VPS16: variants seen among roughly 807,000 people sequenced by gnomAD.
VPS16 encodes the protein vacuolar protein sorting-associated protein 16 homolog.
In VPS16, 82 loss-of-function variants were observed where a neutral mutation model predicts 116.0. The observed-to-expected ratio is 0.71, with a 90% CI of 0.59 to 0.85. The LOEUF (loss-of-function observed/expected upper bound fraction) is 0.85, where lower values mean the gene tolerates loss of function less well. Ranked by LOEUF, VPS16 falls within the 40% of genes least tolerant of loss-of-function variation. The probability of loss-of-function intolerance (pLI) is 0.00; values close to 1 mark genes in which losing one functional copy is unlikely to be tolerated. For synonymous variants in VPS16, 406 were observed against 420.7 expected, an observed-to-expected ratio of 0.96 and a Z score of 0.43; for missense variants, 928 against 1,090.6, an observed-to-expected ratio of 0.85 and a Z score of 2.10.
intron 1 of VPS16, among the ~76,000 whole-genome samples, chr20:2,854,264 C>CACACACACACACACACACAA (rs1359113049): frequency 1.9e-4 from 29 of 150,126 alleles, no homozygotes; most frequent in African/African-American, 6.2e-4. Context: ...CACACACACA[C>CACACACACACACACACACAA]AAATTTTTTA....
intron 1 of VPS16, 109 bp from the exon 2 acceptor site, chr20:2,859,610 C>A: frequency 7.7e-7 from 1 of 1,301,272 alleles, no homozygotes; most frequent in Non-Finnish European, 1.1e-6. Flanking sequence ...TGGAGACTTC[C>A]TCTACAGCCT....
rs984292202 is a variant in VPS16 at position 2,864,823 on chromosome 20, A to C, written c.1927-155A>C. Among the ~76,000 whole-genome samples the C allele has an allele frequency of 6.6e-6, 1 of 152,128 alleles. No homozygotes were observed. Among genetic ancestry groups the C allele is most frequent in the Non-Finnish European group, 1.5e-5 (1 of 68,020 alleles). ...GATGGGGGTTAGTGTCAGAGGAGCT[A>C]GCCATCCCTCTAGGACATCAGAGTG... On this transcript the variant is annotated intron_variant, in intron 19 of 23. Transcript: ENST00000380445. The surrounding 1 kb of genome is among the most constrained non-coding windows in gnomAD (Gnocchi z 5.2).
chr20:2,854,708 A>G (rs753742834), intron 1 of VPS16, among the ~76,000 whole-genome samples: 28 of 150,382 alleles, frequency 1.9e-4, no homozygotes, highest in Non-Finnish European at 4.4e-5. Flanking sequence ...AGGCAGGATA[A>G]TTGCTTGAAC....
rs1373570995 is a variant in VPS16, at chr20:2,863,256, A to T, written c.1368-34A>T. The T allele has an allele frequency of 1.9e-6, 3 of 1,611,670 alleles. No individual in the cohort carries two copies. The highest frequency in any genetic ancestry group is 2.5e-6 in the Non-Finnish European group (3 of 1,179,106). On this transcript the variant is annotated intron_variant, in intron 14 of 23. Coordinates refer to ENST00000380445, the MANE Select transcript of VPS16 (RefSeq NM_022575.4). The surrounding 1 kb of genome is among the most constrained non-coding windows in gnomAD (Gnocchi z 4.4). ...CTCTGCTCCCTTTCTCCTCCACCTC[A>T]CTCCTTGTATCCTTTACCCACCGGG...
rs376025545 is a variant in VPS16, at chr20:2,861,038, C to G, written c.699C>G (p.His233Gln). ...LQMAVSFTYR[H>Q]LALFTDTGYI... is the part of the protein sequence containing the mutation. ...TGGCTGTCTCCTTCACCTACCGACA[C>G]CTGGCACTCTTCACAGACACAGGCT... Residue 233 changes from histidine (H) to glutamine (Q), a missense_variant, in exon 7 of 24, where the codon CAC becomes CAG. By Grantham distance (24) the His-to-Gln change is conservative. Coordinates refer to ENST00000380445, the MANE Select transcript of VPS16 (RefSeq NM_022575.4). 6.2e-6 allele frequency: 10 copies of G among 1,614,114 alleles called. No homozygotes were observed. Among genetic ancestry groups the G allele is most frequent in the Non-Finnish European group, 7.6e-6 (9 of 1,180,046 alleles).
chr20:2,859,889 G>C, intron 2 of VPS16, 82 bp downstream of exon 2: 1 of 1,504,264 alleles, frequency 6.6e-7, no homozygotes, highest in Non-Finnish European at 9.1e-7. Context: ...CTGCTGTCAG[G>C]TTGTTCTTGT....
chr20:2,866,172 T>G (rs370858996), intron 22 of VPS16, 40 bp from the exon 23 acceptor site: 1 of 1,575,502 alleles, frequency 6.3e-7, no homozygotes, highest in Non-Finnish European at 8.7e-7. Flanking sequence ...AGGAGGGCTG[T>G]GCATTACCTT....
Position 2,860,480 on chromosome 20 carries a change from G to A in VPS16, c.401G>A (p.Arg134Gln), listed in dbSNP as rs774157198. The change falls in exon 5 of 24, where the codon CGG (arginine) becomes CAG (glutamine). Residue 134 changes from arginine to glutamine, a missense_variant. By Grantham distance (43) the Arg-to-Gln change is conservative. Transcript: ENST00000380445. The surrounding 1 kb of genome is among the most constrained non-coding windows in gnomAD (Gnocchi z 6.1). ...EVLQNRVLDA[R>Q]IFHTEFGSGV... The stretch of plus-strand genomic sequence containing the variant: ...CTCCAGAACCGGGTTCTGGATGCCC[G>A]GATCTTTCACACTGAGTTTGGTTCC... The A allele has an allele frequency of 1.6e-5, 26 of 1,613,858 alleles. No individual in the cohort carries two copies. Among genetic ancestry groups the A allele is most frequent in the African/African-American group, 2.7e-5 (2 of 74,848 alleles).
Position 2,860,445 on chromosome 20 carries a change from T to C in VPS16, c.370-4T>C. On this transcript the variant is annotated splice_polypyrimidine_tract_variant and splice_region_variant and intron_variant, in intron 4 of 23. Transcript: ENST00000380445. The surrounding 1 kb of genome is among the most constrained non-coding windows in gnomAD (Gnocchi z 6.1). The stretch of plus-strand genomic sequence containing the variant: ...TCCCTTAACCCATGGCCCCCTTTCC[T>C]CAGGAAGTGCTCCAGAACCGGGTTC... The C allele has an allele frequency of 1.9e-6, 3 of 1,614,010 alleles. No individual in the cohort carries two copies. Among genetic ancestry groups the C allele is most frequent in the Non-Finnish European group, 2.5e-6 (3 of 1,179,996 alleles).
intron 1 of VPS16, among the ~76,000 whole-genome samples, chr20:2,848,328 C>T (rs573481796): frequency 2.0e-5 from 3 of 152,298 alleles, no homozygotes; most frequent in Admixed American, 6.5e-5. Flanking sequence ...ACTGCAGCCT[C>T]GACCTCTTGG....
Position 2,866,641 on chromosome 20 carries a change from A to C in VPS16, c.*67A>C, listed in dbSNP as rs1043249217. ...AGCACCTGGGCTTGGCAGAAGGGCC[A>C]TAGTTCATCCAGCTCCTCCCCTAGA... On this transcript the variant is annotated 3_prime_UTR_variant, in exon 24 of 24. Coordinates refer to ENST00000380445, the MANE Select transcript of VPS16 (RefSeq NM_022575.4). 3.1e-6 allele frequency: 5 copies of C among 1,592,276 alleles called. No homozygotes were observed. Among genetic ancestry groups the C allele is most frequent in the Non-Finnish European group, 4.3e-6 (5 of 1,169,092 alleles).
chr20:2,862,542 T>C (rs748336777), intron 11 of VPS16, 37 bp from the exon 12 acceptor site: 1 of 1,601,970 alleles, frequency 6.2e-7, no homozygotes, highest in Non-Finnish European at 8.5e-7. Context: ...GAGTGTTCTC[T>C]GTCATGATGC....
At chr20:2,851,169 A>G (rs1377920305) in intron 1 of VPS16, among the ~76,000 whole-genome samples, 1 of 152,090 alleles carries the variant, frequency 6.6e-6, no homozygotes, top group African/African-American at 2.4e-5. Flanking sequence ...GCTGGTCTAT[A>G]ATATCAGACA....
rs747521840 is a variant in VPS16 at position 2,865,327 on chromosome 20, G to A, written c.2174+10G>A. 1.2e-6 allele frequency: 2 copies of A among 1,614,134 alleles called. No individual in the cohort carries two copies. Among genetic ancestry groups the A allele is most frequent in the South Asian group, 1.1e-5 (1 of 91,082 alleles). Reference sequence around the variant, plus strand: ...GCATCCCTGACAAGAGGTAGGTGAGGGCCCAGGCTGCATGTGGGTCCCAGG... The same window carrying A: ...GCATCCCTGACAAGAGGTAGGTGAGAGCCCAGGCTGCATGTGGGTCCCAGG... On this transcript the variant is annotated intron_variant, in intron 21 of 23. Coordinates refer to ENST00000380445, the MANE Select transcript of VPS16 (RefSeq NM_022575.4). This position sits in a 1 kb window ranked among gnomAD's most constrained non-coding sequence, Gnocchi z 5.2.
chr20:2,862,820 GA>G lies in VPS16; in HGVS notation c.1220del (p.Lys407SerfsTer147). On this transcript the variant is annotated frameshift_variant, in exon 13 of 24. Transcript: ENST00000380445. LOFTEE classifies it high-confidence loss of function. ...QKSLLRAASFGKCFLDRFPPD... is the reference protein window; with the variant it reads ...QKSLLRAASFXKCFLDRFPPD... ...GGCTCTTCTCAGGCCGCCTCCTTCG[GA>G]AAGTGTTTCCTGGACAGATTTCCAC... is the stretch of plus-strand genomic sequence containing the variant. 1 of 1,614,054 alleles carries G rather than the reference GA, an allele frequency of 6.2e-7. No individual in the cohort carries two copies. Among genetic ancestry groups the G allele is most frequent in the Non-Finnish European group, 8.5e-7 (1 of 1,180,028 alleles).
Position 2,861,622 on chromosome 20 carries a change from C to T in VPS16, c.817C>T (p.Arg273Cys), listed in dbSNP as rs771673273. 16 of 1,610,668 alleles carry T rather than the reference C, an allele frequency of 9.9e-6. No homozygotes were observed. Among genetic ancestry groups the T allele is most frequent in the East Asian group, 2.2e-5 (1 of 44,774 alleles). ...APPKQMVWCS[R>C]PRSKERAVVV... is the part of the protein sequence containing the mutation. ...TGTATATGCTGCTCACAGGTGCAGC[C>T]GTCCTCGTAGCAAGGAGAGGGCCGT... is the stretch of plus-strand genomic sequence containing the variant. The change falls in exon 9 of 24, where the codon CGT becomes TGT. Residue 273 changes from arginine (R) to cysteine (C), a missense_variant. Transcript: ENST00000380445.
rs2089017584 is a variant in VPS16, at chr20:2,842,872, AGATAGATG to A, written c.53+2046_53+2053del. Among the ~76,000 whole-genome samples the A allele has an allele frequency of 2.7e-5, 4 of 146,946 alleles. 1 individual carries two copies. The Admixed American group carries it at 2.8e-4, about 10-fold the overall frequency. On this transcript the variant is annotated intron_variant, in intron 1 of 23. Transcript: ENST00000380445. ...TAGATAGATGTATCTATCGATAGAT[AGATAGATG>A]TATCTATCGATAGATAGATAGATAT... is the stretch of plus-strand genomic sequence containing the variant.
At chr20:2,845,894 T>C (rs1221859451) in intron 1 of VPS16, among the ~76,000 whole-genome samples, 1 of 152,206 alleles carries the variant, frequency 6.6e-6, no homozygotes, top group Admixed American at 6.5e-5. Context: ...TTATTTCACT[T>C]AGCATAATAT....
intron 1 of VPS16, among the ~76,000 whole-genome samples, chr20:2,848,391 G>A (rs944264634): frequency 6.6e-6 from 1 of 152,188 alleles, no homozygotes; most frequent in Non-Finnish European, 1.5e-5. Flanking sequence ...TTACAAGTGT[G>A]AGCCACCATG....
Sources: gnomAD v4.1 joint callset for allele counts (sites outside exome capture counted in the v4.1 genomes callset) on GRCh38, gnomAD v4.1.1 for gene constraint, Gnocchi (gnomAD v3.1) non-coding constraint, MANE v1.5 for transcripts, NCBI Gene and HGNC (gene_info 2026-07-23, HGNC 2026-07-21) for gene names.